Variants in ICE2 observed in about 807,000 individuals in gnomAD.
The protein encoded by ICE2 is interactor of little elongation complex ELL subunit 2.
Under a neutral mutation model 105.4 loss-of-function variants are expected in ICE2, and 87 were observed. That is an observed-to-expected ratio of 0.83 (90% confidence interval 0.69 to 0.99). ICE2 has a LOEUF of 0.99. ICE2 is among the 50% of genes least tolerant of loss of function. The pLI is 0.00. For synonymous variants in ICE2, 399 were observed against 392.0 expected, an observed-to-expected ratio of 1.02 and a Z score of -0.21; for missense variants, 1,323 against 1,146.7, an observed-to-expected ratio of 1.15 and a Z score of -2.22.
rs563677020 is a variant in ICE2, at chr15:60,456,343, G to A, written c.666+314C>T. On this transcript the variant is annotated intron_variant, in intron 6 of 15. Coordinates refer to ENST00000261520, the MANE Select transcript of ICE2 (RefSeq NM_024611.6). The stretch of plus-strand genomic sequence containing the variant: ...GGATCACCTGAGGTCAGGAGTTCGA[G>A]ACCAGCCTGGCCAACATGGTGAAAT... Among the ~76,000 whole-genome samples the A allele has an allele frequency of 1.1e-3, 166 of 150,126 alleles. 2 individuals are homozygous for A. The highest frequency in any genetic ancestry group is 1.9e-3 in the Non-Finnish European group (127 of 67,624).
chr15:60,453,650 A>G lies in ICE2; in HGVS notation c.1078T>C (p.Ser360Pro). 4.3e-6 allele frequency: 7 copies of G among 1,613,770 alleles called. No individual in the cohort carries two copies. Among genetic ancestry groups the G allele is most frequent in the Non-Finnish European group, 5.9e-6 (7 of 1,179,712 alleles). ...MMSKNTSVPV[S>P]AVFMDKPEEF... ...TCAGGTTTGTCCATAAAGACTGCAGAGACTGGAACAGATGTGTTTTTGGAC... is the reference window on the plus strand; with the variant it reads ...TCAGGTTTGTCCATAAAGACTGCAGGGACTGGAACAGATGTGTTTTTGGAC... The change falls in exon 9 of 16, where the codon TCT becomes CCT. Residue 360 changes from serine to proline, a missense_variant. Ser to Pro is a moderately conservative substitution (Grantham distance 74). Transcript: ENST00000261520.
intron 14 of ICE2, among the ~76,000 whole-genome samples, chr15:60,429,625 T>C (rs2063412188): frequency 6.6e-6 from 1 of 152,190 alleles, no homozygotes; most frequent in Non-Finnish European, 1.5e-5. Context: ...TTACAATATA[T>C]TATGAAAAAA....
chr15:60,467,919 A>C, intron 4 of ICE2, 142 bp downstream of exon 4: 1 of 699,274 alleles, frequency 1.4e-6, no homozygotes, highest in Non-Finnish European at 2.2e-6. Context: ...AAAAGAATTA[A>C]AGCACCATTG....
intron 5 of ICE2, among the ~76,000 whole-genome samples, chr15:60,466,196 T>C (rs1333472772): frequency 6.6e-6 from 1 of 152,222 alleles, no homozygotes; most frequent in Non-Finnish European, 1.5e-5. Context: ...ATTTATCATT[T>C]TGTGGCTGGT....
chr15:60,478,154 C>T, intron 1 of ICE2, 85 bp from the exon 2 acceptor site: 2 of 628,222 alleles, frequency 3.2e-6, no homozygotes, highest in South Asian at 1.8e-5. Flanking sequence ...TCTCCCTAAA[C>T]ATCTACCCTC....
intron 5 of ICE2, among the ~76,000 whole-genome samples, chr15:60,457,585 C>T (rs1018867669): frequency 6.6e-6 from 1 of 152,146 alleles, no homozygotes; most frequent in Non-Finnish European, 1.5e-5. Flanking sequence ...TCTACATCCC[C>T]TCTCCCTTCA....
chr15:60,455,004 T>C lies in ICE2; in HGVS notation c.942A>G (p.Ala314=), dbSNP rs770445512. Residue 314 remains alanine, a splice_region_variant and synonymous_variant, in exon 8 of 16, where the codon GCA becomes GCG. Transcript: ENST00000261520. Reference sequence around the variant, plus strand: ...TATTTGACATAGCAAATTACAAACCTGCAACAGGTATTACTTGAATACACA... The same window carrying C: ...TATTTGACATAGCAAATTACAAACCCGCAACAGGTATTACTTGAATACACA... The part of the protein sequence containing the change: ...IPVCIQVIPV[A]GSKPVKVIYI... 1.3e-6 allele frequency: 2 copies of C among 1,542,774 alleles called. No homozygotes were observed. Among genetic ancestry groups the C allele is most frequent in the Admixed American group, 4.6e-5 (2 of 43,072 alleles).
At chr15:60,477,406 G>A (rs2064793244) in intron 2 of ICE2, among the ~76,000 whole-genome samples, 1 of 152,094 alleles carries the variant, frequency 6.6e-6, no homozygotes, top group African/African-American at 2.4e-5. Context: ...CTCCTTGGCT[G>A]GCTTAGTAAA....
intron 3 of ICE2, among the ~76,000 whole-genome samples, chr15:60,471,342 T>C (rs1370491516): frequency 6.6e-6 from 1 of 152,190 alleles, no homozygotes; most frequent in African/African-American, 2.4e-5. Flanking sequence ...TTGGGAGAAA[T>C]GTATTACAGC....
chr15:60,472,450 GTT>G, intron 3 of ICE2, among the ~76,000 whole-genome samples: 1 of 151,908 alleles, frequency 6.6e-6, no homozygotes, highest in South Asian at 2.1e-4. Flanking sequence ...ATAAAACAAA[GTT>G]AGGAAAAAAG....
chr15:60,474,064 A>G (rs1265710733), intron 3 of ICE2, among the ~76,000 whole-genome samples: 1 of 152,028 alleles, frequency 6.6e-6, no homozygotes, highest in African/African-American at 2.4e-5. Context: ...GCCACTACAC[A>G]CAGCAAATTA....
chr15:60,436,025 C>CT (rs1324815684), intron 13 of ICE2, 118 bp downstream of exon 13: 3 of 489,896 alleles, frequency 6.1e-6, no homozygotes, highest in Non-Finnish European at 1.1e-5. Context: ...AATGAGACCT[C>CT]TATACATAAA....
Position 60,478,056 on chromosome 15 carries a change from C to T in ICE2, c.-79G>A. On this transcript the variant is annotated 5_prime_UTR_variant, in exon 2 of 16. Transcript: ENST00000261520. Reference sequence around the variant, plus strand: ...AAGGCTCCAAGAGGCAGGATCCCTCCAGAACTTACTCAGCTGAGTAAAAAC... The same window carrying T: ...AAGGCTCCAAGAGGCAGGATCCCTCTAGAACTTACTCAGCTGAGTAAAAAC... The T allele has an allele frequency of 1.5e-6, 2 of 1,316,570 alleles. No individual in the cohort carries two copies. The highest frequency in any genetic ancestry group is 1.1e-6 in the Non-Finnish European group (1 of 910,494). 81.6% of individuals were successfully genotyped at this position (1,316,570 alleles called of 1,614,324 possible). A position where few individuals can be genotyped will look rare whatever the true frequency, so the allele number is the denominator to read the frequency against.
chr15:60,431,252 T>C (rs1290418975), intron 14 of ICE2, among the ~76,000 whole-genome samples: 1 of 151,954 alleles, frequency 6.6e-6, no homozygotes, highest in African/African-American at 2.4e-5. Context: ...TCTCCCACCA[T>C]GATGTCCTTA....
Position 60,455,171 on chromosome 15 carries a change from C to T in ICE2, c.784-9G>A. The stretch of plus-strand genomic sequence containing the variant: ...GGATCTTTACTAATATCCTGAAAAA[C>T]AACAAGTAATTTGTTACTTGGTTAT... On this transcript the variant is annotated splice_polypyrimidine_tract_variant and intron_variant, in intron 7 of 15. Transcript: ENST00000261520. The T allele has an allele frequency of 6.4e-7, 1 of 1,560,418 alleles. No individual in the cohort carries two copies. Among genetic ancestry groups the T allele is most frequent in the Non-Finnish European group, 8.6e-7 (1 of 1,160,702 alleles).
In ICE2 at chr15:60,478,835, G is replaced by A. The variant is rs1348001481; in HGVS notation, c.-93+168C>T. On this transcript the variant is annotated intron_variant, in intron 1 of 15. Transcript: ENST00000261520. Reference sequence around the variant, plus strand: ...AGAGGGGAAACAAGGTTCCAGAAAAGCAGGTAAAAGGGCAAGCAAAGCAGG... The same window carrying A: ...AGAGGGGAAACAAGGTTCCAGAAAAACAGGTAAAAGGGCAAGCAAAGCAGG... The A allele has an allele frequency of 3.8e-5, 15 of 390,284 alleles. No homozygotes were observed. The East Asian group carries it at 1.2e-3, about 30-fold the overall frequency. 24.2% of individuals were successfully genotyped at this position (390,284 alleles called of 1,614,324 possible).
At chr15:60,478,880 C>T (rs1595837565) in intron 1 of ICE2, 123 bp downstream of exon 1, 1 of 443,126 alleles carries the variant, frequency 2.3e-6, no homozygotes, top group East Asian at 7.2e-5. Context: ...CGCGCAGAGC[C>T]AGGAGCAAAG....
chr15:60,467,550 T>C (rs754281754), intron 4 of ICE2, among the ~76,000 whole-genome samples: 3 of 152,212 alleles, frequency 2.0e-5, no homozygotes, highest in Non-Finnish European at 4.4e-5. Flanking sequence ...AGATAGTTTT[T>C]TCAAAACCTG....
In ICE2 at chr15:60,453,610, T is replaced by C. The variant is rs779961945; in HGVS notation, c.1118A>G (p.Glu373Gly). The change falls in exon 9 of 16, where the codon GAA becomes GGA. Residue 373 changes from glutamate (E) to glycine (G), a missense_variant. Coordinates refer to ENST00000261520, the MANE Select transcript of ICE2 (RefSeq NM_024611.6). ...AAAAAAAGCATTACATACGTCCATT[T>C]CAGATATAAACTCTTCAGGTTTGTC... ...FMDKPEEFIS[E>G]MDMSCEVNEC... 6.2e-7 allele frequency: 1 copy of C among 1,613,222 alleles called. No individual in the cohort carries two copies. Among genetic ancestry groups the C allele is most frequent in the Non-Finnish European group, 8.5e-7 (1 of 1,179,468 alleles).
Sources: gnomAD v4.1 joint callset for allele counts (sites outside exome capture counted in the v4.1 genomes callset) on GRCh38, gnomAD v4.1.1 for gene constraint, MANE v1.5 for transcripts, NCBI Gene and HGNC (gene_info 2026-07-23, HGNC 2026-07-21) for gene names.